The following CAPZB variants were observed in gnomAD, a reference collection of about 807,000 sequenced individuals.
CAPZB encodes the protein capping actin protein of muscle Z-line subunit beta, also known as F-actin-capping protein subunit beta.
Under a neutral mutation model 38.1 loss-of-function variants are expected in CAPZB, and 2 were observed. The observed-to-expected ratio is 0.05, with a 90% CI of 0.02 to 0.17. CAPZB has a LOEUF of 0.17. Among genes scored for constraint, CAPZB ranks in the 10% least tolerant of loss-of-function variants. The probability of loss-of-function intolerance (pLI) is 1.00; values close to 1 mark genes in which losing one functional copy is unlikely to be tolerated. For synonymous variants in CAPZB, 107 were observed against 127.4 expected (o/e 0.84, Z 1.08); for missense variants, 161 against 334.2 (o/e 0.48, Z 4.04).
At chr1:19,482,334 G>T (rs4912106) in intron 1 of CAPZB, among the ~76,000 whole-genome samples, 15 of 152,368 alleles carry the variant, frequency 9.8e-5, no homozygotes, top group African/African-American at 3.4e-4. Flanking sequence ...TGAACAATGT[G>T]TCTTATCCAC....
intron 2 of CAPZB, among the ~76,000 whole-genome samples, chr1:19,406,593 A>G (rs1003275965): frequency 6.6e-6 from 1 of 152,292 alleles, no homozygotes; most frequent in Non-Finnish European, 1.5e-5. Flanking sequence ...AGCGTGACGG[A>G]GAAGACAGGC....
intron 1 of CAPZB, among the ~76,000 whole-genome samples, chr1:19,483,367 T>C (rs940082216): frequency 6.6e-6 from 1 of 152,236 alleles, no homozygotes; most frequent in Non-Finnish European, 1.5e-5. Context: ...GTTCCTCCAC[T>C]GGCTGAGCAA....
At chr1:19,447,039 A>G (rs1484524801) in intron 1 of CAPZB, among the ~76,000 whole-genome samples, 1 of 152,122 alleles carries the variant, frequency 6.6e-6, no homozygotes, top group Non-Finnish European at 1.5e-5. Context: ...GTTTTCTCAA[A>G]TTACCACCCC....
intron 4 of CAPZB, among the ~76,000 whole-genome samples, chr1:19,366,660 C>A (rs1327505010): frequency 6.6e-6 from 1 of 151,860 alleles, no homozygotes; most frequent in African/African-American, 2.4e-5. Context: ...TGCACTCCAG[C>A]CTGAGCAAAA....
At chr1:19,406,119 C>A (rs1370122699) in intron 2 of CAPZB, among the ~76,000 whole-genome samples, 1 of 152,202 alleles carries the variant, frequency 6.6e-6, no homozygotes, top group African/African-American at 2.4e-5. Flanking sequence ...ACAGATGTGG[C>A]AAAGGGCAAC....
chr1:19,339,799 C>T (rs1050891424), intron 8 of CAPZB, among the ~76,000 whole-genome samples, 182 bp from the exon 9 acceptor site: 4 of 152,312 alleles, frequency 2.6e-5, no homozygotes, highest in Admixed American at 6.5e-5. Context: ...GGTACATGGC[C>T]GAGACCTGCA....
rs1323831759 is a variant in CAPZB, at chr1:19,385,507, A to G, written c.213T>C (p.Tyr71=). The G allele has an allele frequency of 1.9e-6, 3 of 1,612,614 alleles. No homozygotes were observed. The South Asian group carries it at 3.3e-5, about 18-fold the overall frequency. Residue 71 remains tyrosine, a splice_region_variant and synonymous_variant, in exon 3 of 9, where the codon TAT becomes TAC. Transcript: ENST00000264202. ...GCATCCCCGGGGCATGAGCTCACCT[A>G]TAGGAGTCCCCATCTCTGTTGTAGT... The part of the protein sequence containing the change: ...LCDYNRDGDS[Y]RSPWSNKYDP...
chr1:19,484,517 C>A (rs1198597756), intron 1 of CAPZB: 1 of 1,347,646 alleles, frequency 7.4e-7, no homozygotes, highest in African/African-American at 1.5e-5. Context: ...CTGGGCACAC[C>A]GATGCCCGCC....
intron 1 of CAPZB, among the ~76,000 whole-genome samples, chr1:19,452,748 C>G (rs1374409917): frequency 1.3e-5 from 2 of 152,052 alleles, no homozygotes; most frequent in African/African-American, 4.8e-5. Context: ...GGACCCTCAC[C>G]ACTCCCCTCC....
chr1:19,441,647 G>C (rs1253885727), intron 1 of CAPZB, among the ~76,000 whole-genome samples: 1 of 151,680 alleles, frequency 6.6e-6, no homozygotes, highest in Non-Finnish European at 1.5e-5. Flanking sequence ...AGTGATGCTG[G>C]GTGGGGTCCC....
intron 4 of CAPZB, among the ~76,000 whole-genome samples, chr1:19,376,009 A>G (rs990501022): frequency 1.3e-5 from 2 of 152,236 alleles, no homozygotes; most frequent in Admixed American, 6.5e-5. Flanking sequence ...AGGGAGAACA[A>G]GGGAAGCAGA....
At chr1:19,484,923 G>C (rs1358483168) in intron 1 of CAPZB, among the ~76,000 whole-genome samples, 1 of 152,198 alleles carries the variant, frequency 6.6e-6, no homozygotes, top group Non-Finnish European at 1.5e-5. Flanking sequence ...GGCCGCTGCA[G>C]AAGGGGCTGA....
intron 1 of CAPZB, among the ~76,000 whole-genome samples, chr1:19,464,439 C>A (rs918616831): frequency 6.6e-6 from 1 of 151,596 alleles, no homozygotes; most frequent in African/African-American, 2.4e-5. Context: ...CTACAGGTGC[C>A]CGCCACCATG....
chr1:19,451,464 GT>G (rs1375666191), intron 1 of CAPZB, among the ~76,000 whole-genome samples: 1 of 152,148 alleles, frequency 6.6e-6, no homozygotes, highest in Non-Finnish European at 1.5e-5. Flanking sequence ...CCGGCATGTG[GT>G]AGAAGGATGC....
intron 1 of CAPZB, among the ~76,000 whole-genome samples, chr1:19,438,815 C>A (rs1020740322): frequency 2.6e-5 from 4 of 152,230 alleles, no homozygotes; most frequent in African/African-American, 9.6e-5. Context: ...GTGCGTGACT[C>A]CCCACCGGGG....
At chr1:19,448,727 G>T in intron 1 of CAPZB, 2 of 1,367,552 alleles carry the variant, frequency 1.5e-6, no homozygotes, top group Non-Finnish European at 2.0e-6. Flanking sequence ...GATTCCATCA[G>T]CTTTGCTATT....
Position 19,416,248 on chromosome 1 carries a change from A to T in CAPZB, c.93+3413T>A, listed in dbSNP as rs527958341. Among the ~76,000 whole-genome samples, 4 of 152,360 alleles carry T rather than the reference A, an allele frequency of 2.6e-5. No homozygotes were observed. In the South Asian group the frequency reaches 8.3e-4, roughly 32 times the overall value. On this transcript the variant is annotated intron_variant, in intron 2 of 8. Transcript: ENST00000264202. Reference sequence around the variant, plus strand: ...TTTAGATTACTAATGAATTTAATTAACAGTTTCTCTCCCAACAGGCAAAAC... The same window carrying T: ...TTTAGATTACTAATGAATTTAATTATCAGTTTCTCTCCCAACAGGCAAAAC...
At chr1:19,339,678 CTGGG>C in intron 8 of CAPZB, 61 bp from the exon 9 acceptor site, 4 of 1,274,068 alleles carry the variant, frequency 3.1e-6, no homozygotes, top group Non-Finnish European at 4.6e-6. Flanking sequence ...CGGTGGAGGC[CTGGG>C]GGCCACCATG....
chr1:19,390,014 A>T (rs920544599), intron 2 of CAPZB, among the ~76,000 whole-genome samples: 1 of 152,232 alleles, frequency 6.6e-6, no homozygotes, highest in Non-Finnish European at 1.5e-5. Context: ...GCCTCAGCGC[A>T]GCATCACGCC....
Sources: gnomAD v4.1 joint callset for allele counts (sites outside exome capture counted in the v4.1 genomes callset) on GRCh38, gnomAD v4.1.1 for gene constraint, MANE v1.5 for transcripts, NCBI Gene and HGNC (gene_info 2026-07-23, HGNC 2026-07-21) for gene names.